The following NUDT6 variants were observed in gnomAD, a reference collection of about 807,000 sequenced individuals.
The protein encoded by NUDT6 is nudix hydrolase 6, also known as FAD diphosphatase NUDT6.
A neutral mutation model predicts 36.8 loss-of-function variants in NUDT6; 24 were observed. The observed-to-expected ratio is 0.65, with a 90% CI of 0.47 to 0.92. The LOEUF (loss-of-function observed/expected upper bound fraction) is 0.92, where lower values mean the gene tolerates loss of function less well. NUDT6 is among the 40% of genes least tolerant of loss of function. The pLI is 0.00. For missense variants in NUDT6, 388 were observed against 392.8 expected (o/e 0.99, Z 0.10); for synonymous variants, 163 against 157.0 (o/e 1.04, Z -0.29).
Position 122,922,519 on chromosome 4 carries a change from G to A in NUDT6, c.54C>T (p.Tyr18=), listed in dbSNP as rs764484622. The change falls in exon 1 of 5, where the codon TAC becomes TAT. Residue 18 remains tyrosine, a synonymous_variant. Transcript: ENST00000304430. ...GGTAACCCGCCGAAGGCCCGGGGCC[G>A]TAGGTTCGGGCAAGCATCGCGCGCC... ...GRWRAMLART[Y]GPGPSAGYRW... The A allele has an allele frequency of 1.9e-6, 3 of 1,608,080 alleles. No homozygotes were observed. Among genetic ancestry groups the A allele is most frequent in the East Asian group, 4.5e-5 (2 of 44,848 alleles).
At chr4:122,918,011 A>G (rs1727882654) in intron 1 of NUDT6, 1 of 305,404 alleles carries the variant, frequency 3.3e-6, no homozygotes, top group African/African-American at 2.1e-5. Flanking sequence ...GGACAAATAA[A>G]AGGATTTAAA....
chr4:122,905,572 A>G (rs1009167243), intron 3 of NUDT6, among the ~76,000 whole-genome samples: 3 of 152,210 alleles, frequency 2.0e-5, no homozygotes, highest in Non-Finnish European at 4.4e-5. Flanking sequence ...CTCTGCCAAC[A>G]TAAAAGTGGT....
chr4:122,922,696 T>A (rs750985967), upstream of NUDT6: 2 of 815,512 alleles, frequency 2.5e-6, no homozygotes, highest in Admixed American at 2.8e-5. Context: ...GTTACCACTC[T>A]GCAGAGCTAT....
rs746637657 is a variant in NUDT6, at chr4:122,893,193, TC to T, written c.585del (p.Thr196LeufsTer3). ...GDTAVREVFE[E>X]TGIKSEFRSV... ...GACCTGAATTCTGATTTTATACCAG[TC>T]TCTTCAAAAACTTCTCGAACCGCTG... On this transcript the variant is annotated frameshift_variant, in exon 5 of 5. Coordinates refer to ENST00000304430, the MANE Select transcript of NUDT6 (RefSeq NM_007083.5). LOFTEE classifies it high-confidence loss of function. 1 of 1,611,638 alleles carries T rather than the reference TC, an allele frequency of 6.2e-7. No homozygotes were observed. The highest frequency in any genetic ancestry group is 1.3e-5 in the African/African-American group (1 of 74,942).
intron 3 of NUDT6, among the ~76,000 whole-genome samples, chr4:122,911,225 C>A (rs1187680438): frequency 1.3e-5 from 2 of 152,092 alleles, no homozygotes; most frequent in Non-Finnish European, 2.9e-5. Flanking sequence ...CATATCAGCT[C>A]CCTCTCATTG....
upstream of NUDT6, chr4:122,922,912 C>A (rs747623106): frequency 2.4e-5 from 14 of 588,912 alleles, no homozygotes; most frequent in African/African-American, 1.3e-4. Flanking sequence ...GTGGCAGTTC[C>A]GTTCCTGGAA....
intron 3 of NUDT6, among the ~76,000 whole-genome samples, chr4:122,900,049 C>T (rs1395948220): frequency 4.9e-5 from 4 of 81,920 alleles, no homozygotes; most frequent in African/African-American, 2.3e-4. Flanking sequence ...TGGTCATGCA[C>T]CCCCGCCACC....
intron 1 of NUDT6, chr4:122,921,619 C>CAAACAAAAAAAAAAAA (rs1491439818): frequency 4.2e-5 from 2 of 48,008 alleles, no homozygotes; most frequent in African/African-American, 9.9e-5. Flanking sequence ...AAAAAAAAAA[C>CAAACAAAAAAAAAAAA]AAACTGTACA....
chr4:122,893,514 C>A, intron 4 of NUDT6: 1 of 274,140 alleles, frequency 3.6e-6, no homozygotes. Context: ...CTTCTTGCTG[C>A]TCTTTTTCCC....
intron 2 of NUDT6, among the ~76,000 whole-genome samples, chr4:122,914,347 AC>A (rs1320909103): frequency 6.6e-6 from 1 of 152,226 alleles, no homozygotes. Context: ...ACTGGACTTT[AC>A]AAGAGGTAGA....
rs774879807 is a variant in NUDT6, at chr4:122,917,584, G to A, written c.359C>T (p.Ser120Leu). ...SLGFCFHHAE[S>L]DSSTLTLWLR... is the part of the protein sequence containing the mutation. ...CCACAGAGTCAACGTTGATGAATCC[G>A]ATTCTGCGTGGTGAAAGCAGAAGCC... The change falls in exon 2 of 5, where the codon TCG (serine) becomes TTG (leucine). Residue 120 changes from serine to leucine, a missense_variant. Transcript: ENST00000304430. 8 of 1,614,050 alleles carry A rather than the reference G, an allele frequency of 5.0e-6. No homozygotes were observed. The highest frequency in any genetic ancestry group is 4.5e-5 in the East Asian group (2 of 44,894).
chr4:122,907,108 C>A lies in NUDT6; in HGVS notation c.498+5460G>T, dbSNP rs150065190. 7.2e-5 allele frequency among the ~76,000 whole-genome samples: 11 copies of A among 152,266 alleles called. No homozygotes were observed. The East Asian group carries it at 2.1e-3, about 29-fold the overall frequency. On this transcript the variant is annotated intron_variant, in intron 3 of 4. Coordinates refer to ENST00000304430, the MANE Select transcript of NUDT6 (RefSeq NM_007083.5). ...TGGAGAAGCCCAAGCCACTGCTCTG[C>A]ATATGGAGTAGCCATTGTTTATTCT...
intron 3 of NUDT6, among the ~76,000 whole-genome samples, chr4:122,898,661 T>C (rs546664642): frequency 6.6e-6 from 1 of 152,352 alleles, no homozygotes; most frequent in African/African-American, 2.4e-5. Context: ...CTGTTGATTA[T>C]GTGGGTACAG....
In NUDT6 at chr4:122,922,455, G is replaced by C; in HGVS notation, c.118C>G (p.Pro40Ala). 1 of 1,612,052 alleles carries C rather than the reference G, an allele frequency of 6.2e-7. No homozygotes were observed. Among genetic ancestry groups the C allele is most frequent in the Non-Finnish European group, 8.5e-7 (1 of 1,179,858 alleles). ...SGAQGYVRNP[P>A]VGACDLQGEL... ...CCCTGCAGATCGCACGCTCCAACTG[G>C]CGGATTCCGCACGTAACCCTGTGCG... The change falls in exon 1 of 5, where the codon CCA becomes GCA. Residue 40 changes from proline to alanine, a missense_variant. By Grantham distance (27) the Pro-to-Ala change is conservative. Coordinates refer to ENST00000304430, the MANE Select transcript of NUDT6 (RefSeq NM_007083.5).
chr4:122,914,211 G>A (rs1727786887), intron 2 of NUDT6, among the ~76,000 whole-genome samples: 2 of 152,154 alleles, frequency 1.3e-5, no homozygotes, highest in Non-Finnish European at 2.9e-5. Flanking sequence ...ATGGGGAAAA[G>A]TAATTGAAAT....
intron 3 of NUDT6, among the ~76,000 whole-genome samples, chr4:122,902,162 G>A (rs1727536153): frequency 6.6e-6 from 1 of 152,156 alleles, no homozygotes; most frequent in Non-Finnish European, 1.5e-5. Context: ...ACCACAGAGT[G>A]TCTCATAAGT....
chr4:122,897,798 G>T, intron 3 of NUDT6, 120 bp from the exon 4 acceptor site: 1 of 703,798 alleles, frequency 1.4e-6, no homozygotes, highest in Non-Finnish European at 2.5e-6. Flanking sequence ...TTTAGTAATT[G>T]CATGCAAAAT....
chr4:122,899,278 AT>A (rs1168491130), intron 3 of NUDT6, among the ~76,000 whole-genome samples: 2 of 151,956 alleles, frequency 1.3e-5, no homozygotes, highest in African/African-American at 4.8e-5. Context: ...ACCATAAATG[AT>A]TAGAGATTGT....
At chr4:122,893,638 T>C (rs1727258057) in intron 4 of NUDT6, 1 of 155,140 alleles carries the variant, frequency 6.4e-6, no homozygotes. Context: ...ACCGAAATGC[T>C]GGAGGTGTTT....
Sources: gnomAD v4.1 joint callset for allele counts (sites outside exome capture counted in the v4.1 genomes callset) on GRCh38, gnomAD v4.1.1 for gene constraint, MANE v1.5 for transcripts, NCBI Gene and HGNC (gene_info 2026-07-23, HGNC 2026-07-21) for gene names.